LRRC3C: variants seen among roughly 807,000 people sequenced by gnomAD.
LRRC3C encodes leucine rich repeat containing 3C, also known as leucine-rich repeat-containing protein 3C.
In LRRC3C, 11 loss-of-function variants were observed where a neutral mutation model predicts 14.8. That is an observed-to-expected ratio of 0.74 (90% confidence interval 0.47 to 1.23). The LOEUF is 1.23. Ranked by LOEUF, LRRC3C falls within the 50% of genes most tolerant of loss-of-function variation. The pLI is 0.00. For missense variants in LRRC3C, 354 were observed against 361.8 expected (o/e 0.98, Z 0.18); for synonymous variants, 149 against 161.5 (o/e 0.92, Z 0.59).
chr17:39,939,370 C>T (rs1978881270), intron 2 of LRRC3C: 4 of 985,442 alleles, frequency 4.1e-6, no homozygotes, highest in Non-Finnish European at 4.8e-6. Context: ...ATGCAGGCAG[C>T]ACATCAAAGC....
rs1412894094 is a variant in LRRC3C, at chr17:39,944,942, T to A, written c.*208T>A. Among the ~76,000 whole-genome samples, 14 of 148,846 alleles carry A rather than the reference T, an allele frequency of 9.4e-5. No homozygotes were observed. The highest frequency in any genetic ancestry group is 2.1e-4 in the Non-Finnish European group (14 of 67,586). On this transcript the variant is annotated 3_prime_UTR_variant, in exon 4 of 4. Transcript: ENST00000377924. ...CCAACACCATCTTTGGTGCCTGGAG[T>A]TTTTTGGTGCCTACTCTGTGCCTGG...
At position 39,944,267 on chromosome 17, in the gene LRRC3C, G is replaced by T. The variant is rs1038561587; in HGVS notation, c.361G>T (p.Ala121Ser). 10 of 1,534,896 alleles carry T rather than the reference G, an allele frequency of 6.5e-6. No individual in the cohort carries two copies. In the Admixed American group the frequency reaches 1.8e-4, roughly 27 times the overall value. Reference sequence around the variant, plus strand: ...TAATGCCCTTGCCCACCTCTCAGGGGCGGCTTTCCAGGGCCTGGAGGGCAC... The same window carrying T: ...TAATGCCCTTGCCCACCTCTCAGGGTCGGCTTTCCAGGGCCTGGAGGGCAC... ...SHNALAHLSG[A>S]AFQGLEGTLR... Residue 121 changes from alanine to serine, a missense_variant, in exon 4 of 4, where the codon GCG becomes TCG. Coordinates refer to ENST00000377924, the MANE Select transcript of LRRC3C (RefSeq NM_001195545.2).
At chr17:39,936,458 C>G (rs186095337) in intron 2 of LRRC3C, among the ~76,000 whole-genome samples, 115 of 152,194 alleles carry the variant, frequency 7.6e-4, no homozygotes, top group Middle Eastern at 3.4e-3. Context: ...GCCACCAATA[C>G]ATCCCCGACA....
At chr17:39,934,323 A>T (rs527266558) in intron 1 of LRRC3C, among the ~76,000 whole-genome samples, 1 of 152,332 alleles carries the variant, frequency 6.6e-6, no homozygotes, top group East Asian at 1.9e-4. Context: ...ATTTCAGATC[A>T]AAAGGGCAAT....
intron 1 of LRRC3C, among the ~76,000 whole-genome samples, chr17:39,933,742 G>A (rs1179876557): frequency 6.6e-6 from 1 of 151,926 alleles, no homozygotes; most frequent in African/African-American, 2.4e-5. Flanking sequence ...CAAAAAAAAA[G>A]AAAAGAAAAA....
rs1296331870 is a variant in LRRC3C, at chr17:39,944,577, C to T, written c.671C>T (p.Ala224Val). ...GGGGCCCGGAGGAGCACCGATGTGG[C>T]CCTGCTGGTCACCATGGGGGGCTGG... ...WGGARRSTDV[A>V]LLVTMGGWLT... is the part of the protein sequence containing the mutation. The change falls in exon 4 of 4, where the codon GCC becomes GTC. Residue 224 changes from alanine (A) to valine (V), a missense_variant. Coordinates refer to ENST00000377924, the MANE Select transcript of LRRC3C (RefSeq NM_001195545.2). 3 of 1,533,420 alleles carry T rather than the reference C, an allele frequency of 2.0e-6. No homozygotes were observed. In the East Asian group the frequency reaches 7.3e-5, roughly 38 times the overall value. The allele number at this position is 1,533,420 out of a possible 1,614,324, so 95.0% of individuals were successfully genotyped here.
intron 1 of LRRC3C, among the ~76,000 whole-genome samples, chr17:39,931,618 C>T (rs924944767): frequency 1.3e-5 from 2 of 149,086 alleles, no homozygotes; most frequent in Non-Finnish European, 3.0e-5. Context: ...GTGATGAGGA[C>T]ATGAAGTTCC....
intron 3 of LRRC3C, 45 bp downstream of exon 3, chr17:39,941,594 T>A: frequency 6.6e-7 from 1 of 1,515,910 alleles, no homozygotes; most frequent in Non-Finnish European, 8.9e-7. Context: ...CACTCTCCTG[T>A]TCTCTTCCAC....
At chr17:39,943,458 C>G (rs909580170) in intron 3 of LRRC3C, among the ~76,000 whole-genome samples, 5 of 152,182 alleles carry the variant, frequency 3.3e-5, no homozygotes, top group African/African-American at 1.2e-4. Flanking sequence ...AGTCACCTGG[C>G]CTAGCTGGAT....
At chr17:39,942,783 G>A (rs1040703010) in intron 3 of LRRC3C, among the ~76,000 whole-genome samples, 60 of 152,302 alleles carry the variant, frequency 3.9e-4, no homozygotes, top group Admixed American at 4.6e-4. Flanking sequence ...AATGTGCCAT[G>A]GCGTGAAAGA....
rs1442836511 is a variant in LRRC3C, at chr17:39,941,496, A to G, written c.-28A>G. 3.9e-6 allele frequency: 6 copies of G among 1,535,210 alleles called. No homozygotes were observed. Among genetic ancestry groups the G allele is most frequent in the Non-Finnish European group, 5.2e-6 (6 of 1,146,162 alleles). ...ACCCATAGTCTTCCAAAATCCAGCA[A>G]GAAAAATCCTTCTCAGAAAGGTCTC... is the stretch of plus-strand genomic sequence containing the variant. On this transcript the variant is annotated 5_prime_UTR_variant, in exon 3 of 4. Transcript: ENST00000377924.
intron 2 of LRRC3C, among the ~76,000 whole-genome samples, chr17:39,938,583 C>T (rs1978860671): frequency 6.6e-6 from 1 of 151,214 alleles, no homozygotes; most frequent in Non-Finnish European, 1.5e-5. Context: ...TGTCTGTGGT[C>T]CCAGCTACAT....
Position 39,944,546 on chromosome 17 carries a change from TGG to T in LRRC3C, c.643_644del (p.Gly215TrpfsTer35), listed in dbSNP as rs1979035060. The T allele has an allele frequency of 1.3e-6, 1 of 757,922 alleles. No individual in the cohort carries two copies. Among genetic ancestry groups the T allele is most frequent in the East Asian group, 5.2e-5 (1 of 19,114 alleles). The allele number at this position is 757,922 out of a possible 1,614,324, so 46.9% of individuals were successfully genotyped here. A position where few individuals can be genotyped will look rare whatever the true frequency, so the allele number is the denominator to read the frequency against. On this transcript the variant is annotated frameshift_variant, in exon 4 of 4. Transcript: ENST00000377924. LOFTEE classifies it high-confidence loss of function. Reference protein sequence around the residue: ...AGEEELCGSGWGGARRSTDVA... With the variant: ...AGEEELCGSGXGGARRSTDVA... The stretch of plus-strand genomic sequence containing the variant: ...GGAGGAAGAGCTGTGTGGGTCGGGG[TGG>T]GGTGGGGCCCGGAGGAGCACCGATG...
intron 1 of LRRC3C, among the ~76,000 whole-genome samples, chr17:39,931,199 C>T (rs1978641642): frequency 6.7e-6 from 1 of 150,352 alleles, no homozygotes; most frequent in Non-Finnish European, 1.5e-5. Flanking sequence ...GTAATCCCAG[C>T]ACTTTGGGAG....
At chr17:39,939,504 T>C (rs1978884319) in intron 2 of LRRC3C, 1 of 673,862 alleles carries the variant, frequency 1.5e-6, no homozygotes, top group Non-Finnish European at 1.8e-6. Flanking sequence ...GAGATTTTAA[T>C]GTAATTGGTC....
intron 1 of LRRC3C, among the ~76,000 whole-genome samples, chr17:39,930,004 C>T (rs1978601013): frequency 6.6e-6 from 1 of 152,010 alleles, no homozygotes; most frequent in Non-Finnish European, 1.5e-5. Flanking sequence ...ACAAATAAAA[C>T]TGGGGCCAGG....
In LRRC3C at chr17:39,944,559, G is replaced by A. The variant is rs776989449; in HGVS notation, c.653G>A (p.Arg218Gln). 170 of 1,526,392 alleles carry A rather than the reference G, an allele frequency of 1.1e-4. 1 individual carries two copies. Among genetic ancestry groups the A allele is most frequent in the Non-Finnish European group, 1.4e-4 (163 of 1,141,804 alleles). The allele number at this position is 1,526,392 out of a possible 1,614,324, so 94.6% of individuals were successfully genotyped here. Residue 218 changes from arginine to glutamine, a missense_variant, in exon 4 of 4, where the codon CGG (arginine) becomes CAG (glutamine). Transcript: ENST00000377924. The stretch of plus-strand genomic sequence containing the variant: ...TGTGGGTCGGGGTGGGGTGGGGCCC[G>A]GAGGAGCACCGATGTGGCCCTGCTG... ...ELCGSGWGGA[R>Q]RSTDVALLVT...
At chr17:39,928,207 G>A (rs182176929) in intron 1 of LRRC3C, among the ~76,000 whole-genome samples, 13 of 152,384 alleles carry the variant, frequency 8.5e-5, no homozygotes, top group Admixed American at 7.2e-4. Flanking sequence ...CGCACCTGAC[G>A]TGAGAAGAGG....
chr17:39,934,921 G>C (rs1978755502), intron 1 of LRRC3C, among the ~76,000 whole-genome samples: 1 of 152,198 alleles, frequency 6.6e-6, no homozygotes, highest in African/African-American at 2.4e-5. Flanking sequence ...ACGTTGCCAT[G>C]ATATTTGTAA....
Sources: allele counts gnomAD v4.1 joint callset (sites outside exome capture counted in the v4.1 genomes callset), GRCh38; gene constraint gnomAD v4.1.1; transcripts MANE v1.5; gene names NCBI Gene and HGNC (gene_info 2026-07-23, HGNC 2026-07-21).